The following PPTC7 variants were observed in gnomAD, a reference collection of about 807,000 sequenced individuals.
PPTC7 encodes the protein protein phosphatase targeting COQ7.
A neutral mutation model predicts 30.8 loss-of-function variants in PPTC7; 6 were observed. The observed-to-expected ratio is 0.19, with a 90% CI of 0.11 to 0.38. The LOEUF is 0.38. PPTC7 is among the 10% of genes least tolerant of loss of function. PPTC7 has a pLI of 1.00. For synonymous variants in PPTC7, 163 were observed against 168.1 expected (o/e 0.97, Z 0.23); for missense variants, 218 against 404.8 (o/e 0.54, Z 3.96).
chr12:110,564,779 T>C (rs1565924434), intron 1 of PPTC7, among the ~76,000 whole-genome samples: 1 of 146,204 alleles, frequency 6.8e-6, no homozygotes. Context: ...CGTATATATA[T>C]ACATACACGT....
rs1352964950 is a variant in PPTC7, at chr12:110,545,986, C to T, written c.496G>A (p.Gly166Ser). 9.3e-6 allele frequency: 15 copies of T among 1,614,162 alleles called. No individual in the cohort carries two copies. Among genetic ancestry groups the T allele is most frequent in the Non-Finnish European group, 1.3e-5 (15 of 1,180,030 alleles). The change falls in exon 3 of 6, where the codon GGT becomes AGT. Residue 166 changes from glycine (G) to serine (S), a missense_variant. Physicochemically the swap from Gly to Ser is moderately conservative, Grantham distance 56 (BLOSUM62 0). Transcript: ENST00000354300. ...TCTGATCGGTGCACGACTTCACCAC[C>T]CCTGACAACCAGGAAGCCTGAATCG... Reference protein sequence around the residue: ...LGDSGFLVVRGGEVVHRSDEQ... With the variant: ...LGDSGFLVVRSGEVVHRSDEQ...
At chr12:110,540,321 C>CCCCCTT (rs377082561) in intron 3 of PPTC7, among the ~76,000 whole-genome samples, 1 of 105,012 alleles carries the variant, frequency 9.5e-6, no homozygotes, top group Non-Finnish European at 1.8e-5. Flanking sequence ...CCCCCCCCGC[C>CCCCCTT]TTTTTTTTTT....
intron 1 of PPTC7, among the ~76,000 whole-genome samples, chr12:110,580,461 C>G (rs185414019): frequency 6.6e-6 from 1 of 151,498 alleles, no homozygotes; most frequent in Non-Finnish European, 1.5e-5. Flanking sequence ...GCCTCAGCCT[C>G]GCTAGTAGCT....
At chr12:110,543,318 A>G (rs1045422009) in intron 3 of PPTC7, among the ~76,000 whole-genome samples, 3 of 152,210 alleles carry the variant, frequency 2.0e-5, no homozygotes, top group African/African-American at 4.8e-5. Flanking sequence ...TTTCACTTAC[A>G]TATTTAGATA....
chr12:110,559,732 A>G lies in PPTC7; in HGVS notation c.224-7764T>C, dbSNP rs1005094984. Among the ~76,000 whole-genome samples the G allele has an allele frequency of 6.8e-3, 964 of 142,374 alleles. 1 individual carries two copies. The highest frequency in any genetic ancestry group is 9.6e-3 in the Non-Finnish European group (625 of 65,210). The allele number at this position is 142,374 out of a possible 152,430, so 93.4% of individuals were successfully genotyped here. Reference sequence around the variant, plus strand: ...CAGAGCAAGACTCAGCCTCAGGGGAAAAAAAAAAAAAAAAAAAAGAAATGG... The same window carrying G: ...CAGAGCAAGACTCAGCCTCAGGGGAGAAAAAAAAAAAAAAAAAAGAAATGG... On this transcript the variant is annotated intron_variant, in intron 1 of 5. Coordinates refer to ENST00000354300, the MANE Select transcript of PPTC7 (RefSeq NM_139283.2).
chr12:110,534,756 G>A lies in PPTC7; in HGVS notation c.*2281C>T, dbSNP rs758526652. 24 of 152,220 alleles carry A rather than the reference G, an allele frequency of 1.6e-4. No individual in the cohort carries two copies. Among genetic ancestry groups the A allele is most frequent in the South Asian group, 1.0e-3 (5 of 4,818 alleles). The allele number at this position is 152,220 out of a possible 1,614,324, so 9.4% of individuals were successfully genotyped here. ...TCAGTATCACTGGAACAAACACATC[G>A]TCAATTTCTAACAATCGTTTCTCAA... On this transcript the variant is annotated 3_prime_UTR_variant, in exon 6 of 6. Transcript: ENST00000354300.
intron 1 of PPTC7, among the ~76,000 whole-genome samples, chr12:110,562,865 T>C (rs1168029027): frequency 6.7e-6 from 1 of 149,960 alleles, no homozygotes. Context: ...CTCATGCCTA[T>C]AATCCCAGCA....
intron 1 of PPTC7, among the ~76,000 whole-genome samples, chr12:110,574,230 T>C (rs1311038267): frequency 7.1e-6 from 1 of 140,746 alleles, no homozygotes; most frequent in Non-Finnish European, 1.5e-5. Context: ...AATATAATAC[T>C]AACTATACCA....
intron 1 of PPTC7, among the ~76,000 whole-genome samples, chr12:110,559,636 G>C (rs1334310381): frequency 6.7e-6 from 1 of 150,126 alleles, no homozygotes; most frequent in African/African-American, 2.5e-5. Context: ...TGAGGCAGGA[G>C]AATCACTTGA....
intron 1 of PPTC7, among the ~76,000 whole-genome samples, chr12:110,565,732 G>C (rs151309223): frequency 2.6e-4 from 40 of 152,326 alleles, no homozygotes; most frequent in African/African-American, 8.7e-4. Flanking sequence ...GGGAGCTAAA[G>C]ATTTATATGT....
rs563909144 is a variant in PPTC7 at position 110,566,712 on chromosome 12, T to G, written c.224-14744A>C. On this transcript the variant is annotated intron_variant, in intron 1 of 5. Transcript: ENST00000354300. ...TGTAGGCTGCCAGCTCTACAAACAC[T>G]AGTCTGTGGTCACAACCAAAAGACA... Among the ~76,000 whole-genome samples the G allele has an allele frequency of 1.1e-4, 17 of 152,248 alleles. No homozygotes were observed. In the Middle Eastern group the frequency reaches 0.017, roughly 152 times the overall value.
chr12:110,541,211 G>A lies in PPTC7; in HGVS notation c.603-1266C>T, dbSNP rs187008226. Among the ~76,000 whole-genome samples, 338 of 149,598 alleles carry A rather than the reference G, an allele frequency of 2.3e-3. 6 individuals are homozygous for A. Among genetic ancestry groups the A allele is most frequent in the Admixed American group, 0.013 (193 of 15,038 alleles). Reference sequence around the variant, plus strand: ...AGCCTGACCAACACGGTGAAACCCCGTCTCTACTAAAAATTAAAAAATTAG... The same window carrying A: ...AGCCTGACCAACACGGTGAAACCCCATCTCTACTAAAAATTAAAAAATTAG... On this transcript the variant is annotated intron_variant, in intron 3 of 5. Coordinates refer to ENST00000354300, the MANE Select transcript of PPTC7 (RefSeq NM_139283.2).
chr12:110,574,975 A>C, intron 1 of PPTC7, among the ~76,000 whole-genome samples: 1 of 137,466 alleles, frequency 7.3e-6, no homozygotes, highest in African/African-American at 2.8e-5. Context: ...CTTTTAGTGG[A>C]GATGGGGTTT....
intron 1 of PPTC7, among the ~76,000 whole-genome samples, chr12:110,569,727 C>T (rs567792067): frequency 4.7e-4 from 71 of 152,360 alleles, no homozygotes; most frequent in African/African-American, 1.7e-3. Context: ...ACATTTACTG[C>T]ATGAACTAGT....
chr12:110,535,512 A>C lies in PPTC7; in HGVS notation c.*1525T>G, dbSNP rs1445555418. The C allele has an allele frequency of 3.3e-5, 5 of 152,650 alleles. No individual in the cohort carries two copies. Among genetic ancestry groups the C allele is most frequent in the Non-Finnish European group, 7.3e-5 (5 of 68,038 alleles). 9.5% of individuals were successfully genotyped at this position (152,650 alleles called of 1,614,324 possible). On this transcript the variant is annotated 3_prime_UTR_variant, in exon 6 of 6. Transcript: ENST00000354300. ...TTCACAAAACAAAATCTTTTAAAAC[A>C]AGTTGAGGTAACCTCAAACATAAAT...
chr12:110,547,673 T>G (rs2135768289), intron 2 of PPTC7, among the ~76,000 whole-genome samples: 1 of 152,244 alleles, frequency 6.6e-6, no homozygotes, highest in Non-Finnish European at 1.5e-5. Context: ...AAGTCTAAAT[T>G]ATTAAAATGA....
chr12:110,541,551 T>G, intron 3 of PPTC7, among the ~76,000 whole-genome samples: 1 of 149,982 alleles, frequency 6.7e-6, no homozygotes, highest in East Asian at 2.0e-4. Context: ...ATACAAAAAA[T>G]TAGCTGGGCG....
chr12:110,564,446 GAGA>G lies in PPTC7; in HGVS notation c.224-12481_224-12479del, dbSNP rs575063505. Among the ~76,000 whole-genome samples, 941 of 152,280 alleles carry G rather than the reference GAGA, an allele frequency of 6.2e-3. 5 individuals are homozygous for G. The highest frequency in any genetic ancestry group is 7.0e-3 in the Non-Finnish European group (476 of 68,022). The stretch of plus-strand genomic sequence containing the variant: ...ACTTGTACTGGCCCTTTAGGCTGGG[GAGA>G]AGATTTTCCTTCTGTTTATAATTTA... On this transcript the variant is annotated intron_variant, in intron 1 of 5. Transcript: ENST00000354300.
In PPTC7 at chr12:110,537,014, A is replaced by C. The variant is rs2064223129; in HGVS notation, c.*23T>G. The C allele has an allele frequency of 6.3e-7, 1 of 1,597,096 alleles. No individual in the cohort carries two copies. The highest frequency in any genetic ancestry group is 1.7e-5 in the Admixed American group (1 of 59,764). Reference sequence around the variant, plus strand: ...AGGGGAAATTTGGGATGATGAAAGGAAAGGCAGGACTTGACACCTCAGCTA... The same window carrying C: ...AGGGGAAATTTGGGATGATGAAAGGCAAGGCAGGACTTGACACCTCAGCTA... On this transcript the variant is annotated 3_prime_UTR_variant, in exon 6 of 6. Coordinates refer to ENST00000354300, the MANE Select transcript of PPTC7 (RefSeq NM_139283.2).
Sources: gnomAD v4.1 joint callset for allele counts (sites outside exome capture counted in the v4.1 genomes callset) on GRCh38, gnomAD v4.1.1 for gene constraint, MANE v1.5 for transcripts, NCBI Gene and HGNC (gene_info 2026-07-23, HGNC 2026-07-21) for gene names.